Variants in GSE1 observed in about 807,000 individuals in gnomAD.
GSE1 encodes genetic suppressor element 1.
A neutral mutation model predicts 112.6 loss-of-function variants in GSE1; 32 were observed. That is an observed-to-expected ratio of 0.28 (90% CI 0.21 to 0.38). GSE1 has a LOEUF of 0.38. Among genes scored for constraint, GSE1 ranks in the 10% least tolerant of loss-of-function variants. The pLI is 1.00. For missense variants in GSE1, 2,348 were observed against 1,699.2 expected (o/e 1.38, Z -6.71); for synonymous variants, 1,115 against 735.6 (o/e 1.52, Z -8.35).
At chr16:85,525,084 G>C (rs1361404844) in intron 2 of GSE1, among the ~76,000 whole-genome samples, 1 of 152,198 alleles carries the variant, frequency 6.6e-6, no homozygotes, top group Non-Finnish European at 1.5e-5. Flanking sequence ...CACCACGTCT[G>C]CTGGCCCGGG....
intron 1 of GSE1, among the ~76,000 whole-genome samples, chr16:85,616,917 G>A (rs751676613): frequency 4.6e-5 from 7 of 152,200 alleles, no homozygotes; most frequent in South Asian, 4.1e-4. Flanking sequence ...AAACAGGAGC[G>A]TGGCCAAAAG....
chr16:85,633,837 C>T lies in GSE1; in HGVS notation c.8-77C>T, dbSNP rs577627227. On this transcript the variant is annotated intron_variant, in intron 1 of 15. Coordinates refer to ENST00000253458, the MANE Select transcript of GSE1 (RefSeq NM_014615.5). ...GCTCCCTGCCTGCTGCTGCTGACAC[C>T]GGCCCTGCCGACCCTGCTCTGGTGC... 5.3e-5 allele frequency: 61 copies of T among 1,145,672 alleles called. 1 individual carries two copies. The Middle Eastern group carries it at 6.0e-4, about 11-fold the overall frequency. 71.0% of individuals were successfully genotyped at this position (1,145,672 alleles called of 1,614,324 possible).
chr16:85,591,874 T>A (rs2047015800), intron 1 of GSE1, among the ~76,000 whole-genome samples: 1 of 152,228 alleles, frequency 6.6e-6, no homozygotes, highest in South Asian at 2.1e-4. Context: ...TGCTGGAACA[T>A]TCTACACTGA....
chr16:85,376,510 G>A (rs1016759645), intron 2 of GSE1, among the ~76,000 whole-genome samples: 7 of 152,234 alleles, frequency 4.6e-5, no homozygotes, highest in Non-Finnish European at 1.0e-4. Context: ...GCCGGGTGGT[G>A]TGGGCAGAGT....
chr16:85,207,080 A>T (rs988410159), intron 1 of GSE1, among the ~76,000 whole-genome samples: 1 of 152,128 alleles, frequency 6.6e-6, no homozygotes, highest in African/African-American at 2.4e-5. Flanking sequence ...GCTCTTGGTG[A>T]TGGGGACAGG....
intron 1 of GSE1, among the ~76,000 whole-genome samples, chr16:85,337,415 C>G: frequency 6.6e-6 from 1 of 151,470 alleles, no homozygotes; most frequent in East Asian, 1.9e-4. Flanking sequence ...ACGCCATTCT[C>G]CTGCCTCAGC....
intron 1 of GSE1, among the ~76,000 whole-genome samples, chr16:85,279,208 G>T (rs376884846): frequency 2.6e-5 from 4 of 152,354 alleles, no homozygotes; most frequent in African/African-American, 9.6e-5. Context: ...GGATGCTTCA[G>T]GCCAAGGCCC....
intron 2 of GSE1, among the ~76,000 whole-genome samples, chr16:85,506,117 T>C (rs990092327): frequency 9.9e-5 from 15 of 152,106 alleles, no homozygotes; most frequent in African/African-American, 3.1e-4. Context: ...ACACCAGCTA[T>C]TGTGTGCAGT....
At chr16:85,460,285 A>G (rs1368649093) in intron 2 of GSE1, among the ~76,000 whole-genome samples, 1 of 152,130 alleles carries the variant, frequency 6.6e-6, no homozygotes, top group East Asian at 1.9e-4. Flanking sequence ...GGGGGCTTTG[A>G]GACACACTGA....
intron 1 of GSE1, among the ~76,000 whole-genome samples, chr16:85,274,399 T>TAAATA (rs1371382514): frequency 1.3e-5 from 2 of 151,960 alleles, no homozygotes; most frequent in Admixed American, 6.6e-5. Flanking sequence ...AATACATAAA[T>TAAATA]AAATAAAATA....
chr16:85,657,754 C>T (rs965496648), intron 8 of GSE1, 150 bp downstream of exon 8: 13 of 591,368 alleles, frequency 2.2e-5, no homozygotes, highest in South Asian at 4.8e-5. Flanking sequence ...CGTTATAATG[C>T]CTGTCTTGCC....
At chr16:85,267,192 C>T (rs916392172) in intron 1 of GSE1, among the ~76,000 whole-genome samples, 2 of 152,210 alleles carry the variant, frequency 1.3e-5, no homozygotes, top group Admixed American at 6.5e-5. Flanking sequence ...CCTGAGACTC[C>T]CGCCCCTCGC....
At chr16:85,377,968 C>A (rs761020225) in intron 2 of GSE1, among the ~76,000 whole-genome samples, 5 of 152,272 alleles carry the variant, frequency 3.3e-5, no homozygotes, top group Non-Finnish European at 7.3e-5. Flanking sequence ...GCAGACAGCC[C>A]TGTCTCCAGG....
chr16:85,562,296 C>T (rs2045557132), intron 1 of GSE1, among the ~76,000 whole-genome samples: 1 of 152,212 alleles, frequency 6.6e-6, no homozygotes, highest in South Asian at 2.1e-4. Flanking sequence ...GCTGGGAAAG[C>T]CAGGGGCCCT....
At chr16:85,631,238 A>G (rs759545976) in intron 1 of GSE1, among the ~76,000 whole-genome samples, 1 of 152,238 alleles carries the variant, frequency 6.6e-6, no homozygotes, top group Non-Finnish European at 1.5e-5. Context: ...CTTCGGTGAC[A>G]GATAGGACCC....
chr16:85,653,615 C>A (rs1435729784), intron 3 of GSE1, among the ~76,000 whole-genome samples: 1 of 151,946 alleles, frequency 6.6e-6, no homozygotes, highest in Non-Finnish European at 1.5e-5. Context: ...CTTCCCTGCC[C>A]CACCGTGTGT....
At chr16:85,449,376 C>T (rs906154363) in intron 2 of GSE1, among the ~76,000 whole-genome samples, 49 of 152,324 alleles carry the variant, frequency 3.2e-4, no homozygotes, top group Admixed American at 9.8e-4. Flanking sequence ...CTCAGGGCCT[C>T]CCTGGGATGG....
intron 2 of GSE1, among the ~76,000 whole-genome samples, chr16:85,519,773 C>T (rs756100672): frequency 3.9e-5 from 6 of 152,162 alleles, no homozygotes; most frequent in African/African-American, 7.2e-5. Context: ...ATATCACCAC[C>T]GTTGTCATCA....
intron 1 of GSE1, among the ~76,000 whole-genome samples, chr16:85,217,261 G>A (rs34143652): frequency 6.6e-6 from 1 of 152,364 alleles, no homozygotes; most frequent in East Asian, 1.9e-4. Flanking sequence ...GTGGGAGGCA[G>A]GAGGAGGGGA....
Sources: allele counts gnomAD v4.1 joint callset (sites outside exome capture counted in the v4.1 genomes callset), GRCh38; gene constraint gnomAD v4.1.1; transcripts MANE v1.5; gene names NCBI Gene and HGNC (gene_info 2026-07-23, HGNC 2026-07-21).